Variants in RORA observed in about 807,000 individuals in gnomAD.
The protein encoded by RORA is RAR related orphan receptor A, also known as nuclear receptor ROR-alpha.
In RORA, 7 loss-of-function variants were observed where a neutral mutation model predicts 69.5. The observed-to-expected ratio is 0.10, with a 90% CI of 0.06 to 0.19. The LOEUF is 0.19. Ranked by LOEUF, RORA falls within the 10% of genes least tolerant of loss-of-function variation. The pLI is 1.00. For synonymous variants in RORA, 261 were observed against 240.8 expected (o/e 1.08, Z -0.78); for missense variants, 457 against 663.0 (o/e 0.69, Z 3.41).
At position 60,951,229 on chromosome 15, in the gene RORA, C is replaced by T. The variant is rs369382865; in HGVS notation, c.167-272543G>A. Among the ~76,000 whole-genome samples, 123 of 151,154 alleles carry T rather than the reference C, an allele frequency of 8.1e-4. No homozygotes were observed. In the Middle Eastern group the frequency reaches 0.01, roughly 13 times the overall value. Reference sequence around the variant, plus strand: ...AAACGAAGGCAGAAATAAAGATGTTCTTTGAAACCAACGAGAACAAAGACA... The same window carrying T: ...AAACGAAGGCAGAAATAAAGATGTTTTTTGAAACCAACGAGAACAAAGACA... On this transcript the variant is annotated intron_variant, in intron 1 of 10. Coordinates refer to ENST00000335670, the MANE Select transcript of RORA (RefSeq NM_134261.3).
intron 1 of RORA, among the ~76,000 whole-genome samples, chr15:60,833,059 C>G (rs2073067802): frequency 1.3e-5 from 2 of 151,938 alleles, no homozygotes; most frequent in African/African-American, 4.8e-5. Context: ...CGCCCACCAC[C>G]ATGCCCGGCT....
At chr15:60,599,444 G>A (rs1488120576) in intron 2 of RORA, among the ~76,000 whole-genome samples, 1 of 152,172 alleles carries the variant, frequency 6.6e-6, no homozygotes, top group Non-Finnish European at 1.5e-5. Flanking sequence ...TCAGCTACTT[G>A]GGAGGCTGAG....
chr15:60,505,602 G>C lies in RORA; in HGVS notation c.848C>G (p.Ser283Trp). 1.9e-6 allele frequency: 3 copies of C among 1,613,954 alleles called. No individual in the cohort carries two copies. The highest frequency in any genetic ancestry group is 2.5e-6 in the Non-Finnish European group (3 of 1,179,882). Residue 283 changes from serine (S) to tryptophan (W), a missense_variant, in exon 6 of 11, where the codon TCG becomes TGG. Ser to Trp is a radical substitution (Grantham distance 177). Transcript: ENST00000335670. ...CAAGTATTGGCAGGTTTCCAGATGC[G>C]ATTTAGATATATTCTGTGCAAGGTG... is the stretch of plus-strand genomic sequence containing the variant. ...LEHLAQNISK[S>W]HLETCQYLRE...
At chr15:60,585,174 A>AT (rs2068297755) in intron 2 of RORA, among the ~76,000 whole-genome samples, 1 of 152,212 alleles carries the variant, frequency 6.6e-6, no homozygotes, top group Admixed American at 6.5e-5. Context: ...ATTTAAGCAA[A>AT]TAGGAAGATC....
At chr15:60,895,119 G>A (rs1891196581) in intron 1 of RORA, among the ~76,000 whole-genome samples, 2 of 152,126 alleles carry the variant, frequency 1.3e-5, no homozygotes, top group African/African-American at 4.8e-5. Context: ...AGAAAGTAGG[G>A]CTCGATTTCC....
At chr15:61,047,661 G>C (rs1897097497) in intron 1 of RORA, among the ~76,000 whole-genome samples, 4 of 152,182 alleles carry the variant, frequency 2.6e-5, no homozygotes, top group African/African-American at 9.7e-5. Flanking sequence ...TCATTTTGCG[G>C]TATTGTTCCA....
At chr15:60,700,191 A>G (rs1465962402) in intron 1 of RORA, among the ~76,000 whole-genome samples, 2 of 152,188 alleles carry the variant, frequency 1.3e-5, no homozygotes, top group Admixed American at 6.5e-5. Context: ...TTTGAATAAC[A>G]ATTTACCACT....
intron 1 of RORA, among the ~76,000 whole-genome samples, chr15:60,897,661 A>G (rs1326814050): frequency 6.6e-6 from 1 of 152,208 alleles, no homozygotes; most frequent in South Asian, 2.1e-4. Context: ...AAGCCTTTGG[A>G]TTTCCCTATG....
At chr15:60,842,852 G>A (rs375222334) in intron 1 of RORA, among the ~76,000 whole-genome samples, 38 of 152,138 alleles carry the variant, frequency 2.5e-4, no homozygotes, top group Admixed American at 1.2e-3. Context: ...AAGAAGACAC[G>A]CAGCCCAGGA....
At chr15:60,896,900 A>G (rs1019837107) in intron 1 of RORA, among the ~76,000 whole-genome samples, 12 of 152,130 alleles carry the variant, frequency 7.9e-5, no homozygotes, top group African/African-American at 2.9e-4. Context: ...GGGGCCTGAC[A>G]CTTGGGTAGT....
intron 1 of RORA, among the ~76,000 whole-genome samples, chr15:60,909,140 G>C: frequency 6.6e-6 from 1 of 152,172 alleles, no homozygotes; most frequent in East Asian, 1.9e-4. Context: ...AATTCTTGCT[G>C]TGGTCCCAGC....
At chr15:60,585,276 A>G (rs987240211) in intron 2 of RORA, among the ~76,000 whole-genome samples, 2 of 152,232 alleles carry the variant, frequency 1.3e-5, no homozygotes, top group Admixed American at 6.5e-5. Context: ...TCCACAATCC[A>G]CTTGTATTAT....
intron 3 of RORA, among the ~76,000 whole-genome samples, chr15:60,522,081 AGCTGAGT>A (rs2066186416): frequency 6.6e-6 from 1 of 152,234 alleles, no homozygotes; most frequent in African/African-American, 2.4e-5. Context: ...AGGTTGCAAG[AGCTGAGT>A]GCTAAAATGT....
chr15:60,620,763 G>A (rs2069382180), intron 2 of RORA, among the ~76,000 whole-genome samples: 1 of 152,226 alleles, frequency 6.6e-6, no homozygotes, highest in Admixed American at 6.5e-5. Context: ...CCAGGTCTGG[G>A]ATGTGTGGCT....
chr15:61,000,408 G>GA (rs1894708856), intron 1 of RORA, among the ~76,000 whole-genome samples: 1 of 152,192 alleles, frequency 6.6e-6, no homozygotes, highest in South Asian at 2.1e-4. Flanking sequence ...AATGATATCA[G>GA]ATGCAAAGTG....
intron 1 of RORA, among the ~76,000 whole-genome samples, chr15:60,969,320 G>A (rs923573995): frequency 6.6e-6 from 1 of 152,110 alleles, no homozygotes; most frequent in Non-Finnish European, 1.5e-5. Flanking sequence ...AGGAAATCAT[G>A]GTTTCCTATT....
intron 1 of RORA, among the ~76,000 whole-genome samples, chr15:60,881,433 C>T (rs1447293081): frequency 6.6e-6 from 1 of 152,250 alleles, no homozygotes; most frequent in African/African-American, 2.4e-5. Context: ...GAAGTCTCTA[C>T]TCTACATTGG....
At chr15:61,086,017 C>A (rs2078619713) in intron 1 of RORA, among the ~76,000 whole-genome samples, 1 of 152,196 alleles carries the variant, frequency 6.6e-6, no homozygotes, top group Non-Finnish European at 1.5e-5. Context: ...TGGAACAGTG[C>A]AATGTAAATT....
At chr15:60,561,956 T>G (rs2067573833) in intron 2 of RORA, among the ~76,000 whole-genome samples, 1 of 152,186 alleles carries the variant, frequency 6.6e-6, no homozygotes, top group African/African-American at 2.4e-5. Flanking sequence ...TTTTTCTTTT[T>G]TTTTGAGACG....
Sources: gnomAD v4.1 joint callset for allele counts (sites outside exome capture counted in the v4.1 genomes callset) on GRCh38, gnomAD v4.1.1 for gene constraint, MANE v1.5 for transcripts, NCBI Gene and HGNC (gene_info 2026-07-23, HGNC 2026-07-21) for gene names.